Variants in RCOR1 observed in about 807,000 individuals in gnomAD.
The protein encoded by RCOR1 is REST corepressor.
A neutral mutation model predicts 64.0 loss-of-function variants in RCOR1; 12 were observed. That is an observed-to-expected ratio of 0.19 (90% CI 0.12 to 0.30). RCOR1 has a LOEUF of 0.30. Among genes scored for constraint, RCOR1 ranks in the 10% least tolerant of loss-of-function variants. The probability of loss-of-function intolerance (pLI) is 1.00; values close to 1 mark genes in which losing one functional copy is unlikely to be tolerated. For missense variants in RCOR1, 502 were observed against 621.2 expected (o/e 0.81, Z 2.04); for synonymous variants, 279 against 227.2 (o/e 1.23, Z -2.05).
rs542272626 is a variant in RCOR1 at position 102,611,660 on chromosome 14, A to G, written c.361+18335A>G. Among the ~76,000 whole-genome samples, 89 of 152,334 alleles carry G rather than the reference A, an allele frequency of 5.8e-4. 1 individual carries two copies. The South Asian group carries it at 8.3e-3, about 14-fold the overall frequency. On this transcript the variant is annotated intron_variant, in intron 2 of 11. Transcript: ENST00000262241. ...CTTTTAAGCTCTGTTAGGTGAGATC[A>G]AAACCATTTTAGTGTAGGGCTAAGT...
At chr14:102,695,674 C>A (rs1212758449) in intron 3 of RCOR1, among the ~76,000 whole-genome samples, 1 of 151,540 alleles carries the variant, frequency 6.6e-6, no homozygotes, top group African/African-American at 2.4e-5. Context: ...GCCTCCTGAG[C>A]AGCTGAGATT....
At position 102,662,183 on chromosome 14, in the gene RCOR1, T is replaced by G. The variant is rs567142310; in HGVS notation, c.362-19712T>G. On this transcript the variant is annotated intron_variant, in intron 2 of 11. Transcript: ENST00000262241. Reference sequence around the variant, plus strand: ...ACATACTTCTGCAACTTTTTATTTTTTATTTTTTCTGGTGAAAAGATATAC... The same window carrying G: ...ACATACTTCTGCAACTTTTTATTTTGTATTTTTTCTGGTGAAAAGATATAC... The G allele has an allele frequency of 9.4e-6, 4 of 424,786 alleles. No individual in the cohort carries two copies. The East Asian group carries it at 2.3e-4, about 24-fold the overall frequency. The allele number at this position is 424,786 out of a possible 1,614,324, so 26.3% of individuals were successfully genotyped here.
chr14:102,621,014 ATTG>A (rs1289690096), intron 2 of RCOR1, among the ~76,000 whole-genome samples: 2 of 152,160 alleles, frequency 1.3e-5, no homozygotes, highest in Non-Finnish European at 2.9e-5. Context: ...CTGGTCACCT[ATTG>A]TTAAATAGTT....
At position 102,593,494 on chromosome 14, in the gene RCOR1, GT is replaced by G. The variant is rs1346177658; in HGVS notation, c.361+171del. On this transcript the variant is annotated intron_variant, in intron 2 of 11. Transcript: ENST00000262241. ...CGAGGAGGCGCACACGCACACGAGT[GT>G]TCTGCAAACGTGCCTCTGCACCCGG... Among the ~76,000 whole-genome samples, 5 of 152,346 alleles carry G rather than the reference GT, an allele frequency of 3.3e-5. No individual in the cohort carries two copies. The East Asian group carries it at 5.8e-4, about 18-fold the overall frequency.
At chr14:102,652,850 G>C (rs1567422715) in intron 2 of RCOR1, among the ~76,000 whole-genome samples, 1 of 152,188 alleles carries the variant, frequency 6.6e-6, no homozygotes. Flanking sequence ...GGGAAGATTT[G>C]AGGGGAGTGT....
intron 8 of RCOR1, among the ~76,000 whole-genome samples, chr14:102,718,291 G>T (rs1896106941): frequency 6.6e-6 from 1 of 152,166 alleles, no homozygotes; most frequent in Admixed American, 6.5e-5. Context: ...AGGAGGTGGG[G>T]GTGGAGGTAA....
intron 2 of RCOR1, among the ~76,000 whole-genome samples, chr14:102,620,450 C>T (rs1893851549): frequency 6.6e-6 from 1 of 152,094 alleles, no homozygotes. Flanking sequence ...GCCTGTAATC[C>T]CAGCTACCCT....
intron 2 of RCOR1, among the ~76,000 whole-genome samples, chr14:102,645,021 T>G (rs1190335): frequency 1.8e-4 from 27 of 152,038 alleles, no homozygotes; most frequent in Non-Finnish European, 1.9e-4. Flanking sequence ...CATTTTGTAC[T>G]GTTTTTGTCT....
At chr14:102,646,004 T>A (rs1306276744) in intron 2 of RCOR1, among the ~76,000 whole-genome samples, 6 of 152,222 alleles carry the variant, frequency 3.9e-5, no homozygotes, top group Non-Finnish European at 7.3e-5. Flanking sequence ...CCTTTTATGA[T>A]GACTTAGTCT....
At chr14:102,647,544 C>G (rs1398854728) in intron 2 of RCOR1, among the ~76,000 whole-genome samples, 1 of 152,172 alleles carries the variant, frequency 6.6e-6, no homozygotes, top group East Asian at 1.9e-4. Flanking sequence ...TGGTCTTGAA[C>G]TCCTGACCTC....
chr14:102,678,027 C>T (rs1232376395), intron 2 of RCOR1, among the ~76,000 whole-genome samples: 4 of 148,584 alleles, frequency 2.7e-5, no homozygotes, highest in South Asian at 4.3e-4. Context: ...AGCAAAACCC[C>T]GTCTCCACCA....
chr14:102,683,619 GA>G (rs1196895395), intron 3 of RCOR1, among the ~76,000 whole-genome samples: 1 of 152,236 alleles, frequency 6.6e-6, no homozygotes, highest in Non-Finnish European at 1.5e-5. Flanking sequence ...CTTCTCTTGG[GA>G]ATCGGAGGAT....
intron 2 of RCOR1, among the ~76,000 whole-genome samples, chr14:102,653,998 T>TCTTTCTTTGTTTCTTTC (rs1595214214): frequency 7.9e-6 from 1 of 126,606 alleles, no homozygotes; most frequent in African/African-American, 3.3e-5. Flanking sequence ...TTTTTTTTTT[T>TCTTTCTTTGTTTCTTTC]TTTTTGAGAC....
intron 3 of RCOR1, among the ~76,000 whole-genome samples, chr14:102,700,441 C>T (rs898972931): frequency 3.9e-5 from 6 of 152,148 alleles, no homozygotes; most frequent in Middle Eastern, 3.2e-3. Context: ...AGGTTGCTCT[C>T]GAACTCCTGA....
At chr14:102,709,508 A>G (rs1196498659) in intron 6 of RCOR1, among the ~76,000 whole-genome samples, 1 of 152,116 alleles carries the variant, frequency 6.6e-6, no homozygotes, top group Non-Finnish European at 1.5e-5. Context: ...ATGGAATTTT[A>G]TCATTTCAAA....
intron 6 of RCOR1, among the ~76,000 whole-genome samples, chr14:102,710,056 G>T (rs1412317156): frequency 6.6e-6 from 1 of 152,222 alleles, no homozygotes; most frequent in Non-Finnish European, 1.5e-5. Flanking sequence ...GGACTTGCCT[G>T]TGAAAGTCAT....
intron 2 of RCOR1, among the ~76,000 whole-genome samples, chr14:102,617,652 C>T (rs1893789754): frequency 6.9e-6 from 1 of 145,976 alleles, no homozygotes; most frequent in South Asian, 2.2e-4. Context: ...TGCAGTGGCA[C>T]AGACTTGGCT....
intron 2 of RCOR1, among the ~76,000 whole-genome samples, chr14:102,674,333 C>G (rs1895094244): frequency 6.6e-6 from 1 of 152,172 alleles, no homozygotes; most frequent in Non-Finnish European, 1.5e-5. Context: ...TAGAGTCTAG[C>G]CAAGTTGACA....
Position 102,592,873 on chromosome 14 carries a change from C to T in RCOR1, c.-14C>T. 1 of 1,218,184 alleles carries T rather than the reference C, an allele frequency of 8.2e-7. No individual in the cohort carries two copies. The highest frequency in any genetic ancestry group is 1.0e-6 in the Non-Finnish European group (1 of 978,014). The allele number at this position is 1,218,184 out of a possible 1,614,324, so 75.5% of individuals were successfully genotyped here. ...CGGGTCCCCGCCACTTTCGCACGGC[C>T]CCGGCCCCCGCCGATGCCGGCCATG... On this transcript the variant is annotated 5_prime_UTR_variant, in exon 1 of 12. Transcript: ENST00000262241.
Sources: gnomAD v4.1 joint callset for allele counts (sites outside exome capture counted in the v4.1 genomes callset) on GRCh38, gnomAD v4.1.1 for gene constraint, MANE v1.5 for transcripts, NCBI Gene and HGNC (gene_info 2026-07-23, HGNC 2026-07-21) for gene names.